RBFOX1: variants seen among roughly 807,000 people sequenced by gnomAD.
RBFOX1 encodes the protein RNA binding fox-1 homolog 1, also known as RNA binding protein fox-1 homolog 1.
RBFOX1 carries 8 observed loss-of-function variants against 57.7 expected under a neutral mutation model. That is an observed-to-expected ratio of 0.14 (90% CI 0.08 to 0.25). The LOEUF (loss-of-function observed/expected upper bound fraction) is 0.25. Among genes scored for constraint, RBFOX1 ranks in the 10% least tolerant of loss-of-function variants. RBFOX1 has a pLI of 1.00. For missense variants in RBFOX1, 611 were observed against 548.5 expected (o/e 1.11, Z -1.14); for synonymous variants, 326 against 222.4 (o/e 1.47, Z -4.15).
chr16:5,870,344 G>A (rs533275632), intron 4 of RBFOX1, among the ~76,000 whole-genome samples: 126 of 142,184 alleles, frequency 8.9e-4, no homozygotes, highest in African/African-American at 3.2e-3. Context: ...ATGAAAACGT[G>A]TGCATCTTAC....
chr16:6,908,128 T>C (rs1265530115), intron 3 of RBFOX1, among the ~76,000 whole-genome samples: 1 of 151,798 alleles, frequency 6.6e-6, no homozygotes, highest in Admixed American at 6.5e-5. Flanking sequence ...CCACATGTTT[T>C]GGAGGGAAAC....
At chr16:5,971,766 T>C (rs1397008935) in intron 4 of RBFOX1, among the ~76,000 whole-genome samples, 1 of 152,238 alleles carries the variant, frequency 6.6e-6, no homozygotes. Context: ...TAATTTTATG[T>C]GTCAAGCTGA....
chr16:6,542,468 G>T (rs926157787), intron 2 of RBFOX1, among the ~76,000 whole-genome samples: 2 of 128,356 alleles, frequency 1.6e-5, no homozygotes, highest in Non-Finnish European at 3.2e-5. Flanking sequence ...CCACTGCCCT[G>T]TGTGGGACCA....
intron 4 of RBFOX1, among the ~76,000 whole-genome samples, chr16:7,421,233 C>G (rs149343153): frequency 1.1e-3 from 161 of 142,980 alleles, no homozygotes; most frequent in African/African-American, 3.9e-3. Flanking sequence ...GGCAGAAAGA[C>G]AAAGAGAGAG....
intron 3 of RBFOX1, among the ~76,000 whole-genome samples, chr16:6,887,321 A>G (rs1603636782): frequency 6.6e-6 from 1 of 152,154 alleles, no homozygotes; most frequent in East Asian, 1.9e-4. Flanking sequence ...TGATGGTGGG[A>G]CAGGATGGCA....
chr16:7,649,978 G>A lies in RBFOX1; in HGVS notation c.758-3837G>A, dbSNP rs1271166869. 9.7e-5 allele frequency among the ~76,000 whole-genome samples: 11 copies of A among 112,840 alleles called. 1 individual carries two copies. The highest frequency in any genetic ancestry group is 1.6e-4 in the African/African-American group (5 of 31,948). 74.0% of individuals were successfully genotyped at this position (112,840 alleles called of 152,430 possible). A position where few individuals can be genotyped will look rare whatever the true frequency, so the allele number is the denominator to read the frequency against. ...AGGAGAGGAAGAAGAGGGAGAGGAA[G>A]AAGAGCGAGGGGAGAAAGGAAAAGG... On this transcript the variant is annotated intron_variant, in intron 11 of 15. Coordinates refer to ENST00000550418, the MANE Select transcript of RBFOX1 (RefSeq NM_018723.4).
At chr16:5,540,772 C>A (rs1462254996) in intron 2 of RBFOX1, among the ~76,000 whole-genome samples, 3 of 152,222 alleles carry the variant, frequency 2.0e-5, no homozygotes, top group African/African-American at 7.2e-5. Flanking sequence ...GCGTCAGAAT[C>A]ACCTGGAGCT....
chr16:6,030,956 T>C (rs2095279709), intron 1 of RBFOX1, among the ~76,000 whole-genome samples: 1 of 152,170 alleles, frequency 6.6e-6, no homozygotes, highest in South Asian at 2.1e-4. Context: ...ATTGACATCA[T>C]CTCTGCCTAG....
At chr16:5,992,351 A>G (rs2060415045) in intron 4 of RBFOX1, among the ~76,000 whole-genome samples, 1 of 152,230 alleles carries the variant, frequency 6.6e-6, no homozygotes, top group African/African-American at 2.4e-5. Context: ...AAGCTACTTC[A>G]GTAATTGACT....
At chr16:7,314,754 T>A (rs973363339) in intron 4 of RBFOX1, among the ~76,000 whole-genome samples, 2 of 151,998 alleles carry the variant, frequency 1.3e-5, no homozygotes, top group South Asian at 2.1e-4. Flanking sequence ...AGAGGGCGAG[T>A]TGACTGTAAG....
intron 3 of RBFOX1, among the ~76,000 whole-genome samples, chr16:6,831,647 A>AT (rs570481704): frequency 4.9e-4 from 74 of 152,064 alleles, no homozygotes; most frequent in Non-Finnish European, 7.9e-4. Context: ...GGTTTTAAGC[A>AT]TTTTTTTTAA....
chr16:6,257,541 A>G (rs1207726121), intron 1 of RBFOX1, among the ~76,000 whole-genome samples: 1 of 151,926 alleles, frequency 6.6e-6, no homozygotes, highest in Non-Finnish European at 1.5e-5. Context: ...CTTACTACCC[A>G]TTAGTTATTT....
intron 4 of RBFOX1, among the ~76,000 whole-genome samples, chr16:7,158,774 G>A (rs73546741): frequency 1.3e-5 from 2 of 151,764 alleles, no homozygotes; most frequent in Admixed American, 6.6e-5. Flanking sequence ...TGTGAGTAGT[G>A]TGTGTGTCTG....
Position 7,707,043 on chromosome 16 carries a change from G to C in RBFOX1, c.996-2013G>C, listed in dbSNP as rs550301355. On this transcript the variant is annotated intron_variant, in intron 14 of 15. Transcript: ENST00000550418. ...TGTCCCCAAAGAATGAAAGGCAAGA[G>C]GGAGATGACTGTCAGTTTCACTGAC... 7.9e-5 allele frequency among the ~76,000 whole-genome samples: 12 copies of C among 152,276 alleles called. No individual in the cohort carries two copies. The East Asian group carries it at 1.4e-3, about 17-fold the overall frequency.
chr16:6,701,931 C>A (rs2061916107), intron 3 of RBFOX1, among the ~76,000 whole-genome samples: 1 of 152,056 alleles, frequency 6.6e-6, no homozygotes, highest in Non-Finnish European at 1.5e-5. Flanking sequence ...ACAACAGACA[C>A]CGGGGCCTGC....
At chr16:7,085,138 A>T (rs2059796547) in intron 4 of RBFOX1, among the ~76,000 whole-genome samples, 2 of 152,148 alleles carry the variant, frequency 1.3e-5, no homozygotes, top group African/African-American at 4.8e-5. Context: ...TACATCTCAG[A>T]TCAAATAAAG....
chr16:6,492,607 T>C (rs1228906063), intron 2 of RBFOX1, among the ~76,000 whole-genome samples: 1 of 152,032 alleles, frequency 6.6e-6, no homozygotes, highest in Non-Finnish European at 1.5e-5. Context: ...TAAATAAGTA[T>C]GTACTTTTGA....
At chr16:6,894,601 G>T (rs966450228) in intron 3 of RBFOX1, among the ~76,000 whole-genome samples, 1 of 152,148 alleles carries the variant, frequency 6.6e-6, no homozygotes, top group Non-Finnish European at 1.5e-5. Flanking sequence ...GGGGTTCTCA[G>T]TGCAATTTCG....
chr16:6,629,756 T>C (rs1000755014), intron 2 of RBFOX1, among the ~76,000 whole-genome samples: 1 of 152,226 alleles, frequency 6.6e-6, no homozygotes, highest in Admixed American at 6.5e-5. Context: ...CATTTATTTC[T>C]AGCTTAATTA....
Sources: gnomAD v4.1 joint callset for allele counts (sites outside exome capture counted in the v4.1 genomes callset) on GRCh38, gnomAD v4.1.1 for gene constraint, MANE v1.5 for transcripts, NCBI Gene and HGNC (gene_info 2026-07-23, HGNC 2026-07-21) for gene names.